CHCHD6: variants seen among roughly 807,000 people sequenced by gnomAD.
CHCHD6 encodes coiled-coil-helix-coiled-coil-helix domain containing 6.
CHCHD6 carries 28 observed loss-of-function variants against 32.3 expected under a neutral mutation model. That is an observed-to-expected ratio of 0.87 (90% CI 0.64 to 1.19). The LOEUF is 1.19. Among genes scored for constraint, CHCHD6 ranks in the 50% most tolerant of loss-of-function variants. The pLI is 0.00. For missense variants in CHCHD6, 333 were observed against 307.0 expected (o/e 1.08, Z -0.63); for synonymous variants, 122 against 117.5 (o/e 1.04, Z -0.25).
intron 6 of CHCHD6, among the ~76,000 whole-genome samples, chr3:126,917,046 T>G (rs971099558): frequency 2.0e-5 from 3 of 152,164 alleles, no homozygotes; most frequent in African/African-American, 4.8e-5. Context: ...ACCAGCCCCT[T>G]TGTGAATTTG....
chr3:126,938,056 AC>A (rs1261596254), intron 6 of CHCHD6, among the ~76,000 whole-genome samples: 1 of 152,246 alleles, frequency 6.6e-6, no homozygotes, highest in Non-Finnish European at 1.5e-5. Context: ...GCAGCAAGTT[AC>A]AACCCCAGGA....
chr3:126,712,033 CT>C (rs920230987), intron 1 of CHCHD6, among the ~76,000 whole-genome samples: 8 of 152,342 alleles, frequency 5.3e-5, no homozygotes, highest in Non-Finnish European at 1.0e-4. Flanking sequence ...AAGCACAGTA[CT>C]TTAGGTCTCT....
intron 4 of CHCHD6, among the ~76,000 whole-genome samples, chr3:126,827,125 G>C (rs1367087099): frequency 6.6e-6 from 1 of 152,172 alleles, no homozygotes; most frequent in African/African-American, 2.4e-5. Context: ...GGGGAAGAAT[G>C]ACACTGGAGA....
At chr3:126,748,849 G>A (rs1936612191) in intron 4 of CHCHD6, among the ~76,000 whole-genome samples, 2 of 152,106 alleles carry the variant, frequency 1.3e-5, no homozygotes, top group East Asian at 1.9e-4. Flanking sequence ...GAAGTGACCC[G>A]ATCCTGACCC....
In CHCHD6 at chr3:126,776,616, T is replaced by C. The variant is rs140492180; in HGVS notation, c.411+43394T>C. On this transcript the variant is annotated intron_variant, in intron 4 of 7. Transcript: ENST00000290913. ...TTAGTAGTTGCTCAACAAATATTTGTCAAATATTGATAGCAACAACAGCAA... is the reference window on the plus strand; with the variant it reads ...TTAGTAGTTGCTCAACAAATATTTGCCAAATATTGATAGCAACAACAGCAA... Among the ~76,000 whole-genome samples the C allele has an allele frequency of 2.8e-3, 423 of 152,332 alleles. 2 individuals are homozygous for C. Among genetic ancestry groups the C allele is most frequent in the African/African-American group, 9.8e-3 (406 of 41,572 alleles).
chr3:126,897,870 C>T (rs2077863758), intron 5 of CHCHD6, among the ~76,000 whole-genome samples: 1 of 152,174 alleles, frequency 6.6e-6, no homozygotes, highest in Admixed American at 6.5e-5. Flanking sequence ...AGCATAGGAG[C>T]CCTCTGCATG....
chr3:126,729,625 A>G (rs1471462767), intron 2 of CHCHD6, among the ~76,000 whole-genome samples: 1 of 152,140 alleles, frequency 6.6e-6, no homozygotes, highest in Non-Finnish European at 1.5e-5. Flanking sequence ...TGTGTTGCTG[A>G]GGAGCATGGG....
intron 4 of CHCHD6, among the ~76,000 whole-genome samples, chr3:126,760,382 A>ATG (rs1937116867): frequency 6.6e-6 from 1 of 152,228 alleles, no homozygotes; most frequent in African/African-American, 2.4e-5. Context: ...TTTTAAGTAT[A>ATG]CAATTCATTG....
intron 6 of CHCHD6, among the ~76,000 whole-genome samples, chr3:126,932,969 G>C (rs1027060243): frequency 6.6e-6 from 1 of 152,198 alleles, no homozygotes; most frequent in Non-Finnish European, 1.5e-5. Context: ...GGTCCTTGTG[G>C]GGTGGGGTGA....
intron 4 of CHCHD6, among the ~76,000 whole-genome samples, chr3:126,757,095 T>C (rs1464586129): frequency 6.6e-6 from 1 of 151,970 alleles, no homozygotes; most frequent in African/African-American, 2.4e-5. Flanking sequence ...GTTGTGTAGG[T>C]TGAGCCTCCT....
chr3:126,858,206 G>A (rs1941728480), intron 5 of CHCHD6, among the ~76,000 whole-genome samples: 1 of 151,562 alleles, frequency 6.6e-6, no homozygotes, highest in South Asian at 2.1e-4. Context: ...CAGAAGGGGT[G>A]AAGGCAGCAC....
At chr3:126,713,933 C>T (rs1418331376) in intron 1 of CHCHD6, among the ~76,000 whole-genome samples, 14 of 151,410 alleles carry the variant, frequency 9.2e-5, no homozygotes, top group East Asian at 5.8e-4. Flanking sequence ...AAAAGTTAGC[C>T]GGGCATGGTG....
intron 5 of CHCHD6, among the ~76,000 whole-genome samples, chr3:126,858,958 G>A (rs978242873): frequency 1.3e-5 from 2 of 152,206 alleles, no homozygotes; most frequent in African/African-American, 4.8e-5. Context: ...CCCCCGCTGA[G>A]GTTTGAGCCC....
intron 4 of CHCHD6, among the ~76,000 whole-genome samples, chr3:126,778,301 G>A (rs1289311598): frequency 2.0e-5 from 3 of 152,296 alleles, no homozygotes; most frequent in Middle Eastern, 3.4e-3. Context: ...TGGAATGGTT[G>A]GATCAAATAG....
Position 126,762,810 on chromosome 3 carries a change from C to T in CHCHD6, c.411+29588C>T, listed in dbSNP as rs531884876. 9.9e-5 allele frequency among the ~76,000 whole-genome samples: 15 copies of T among 152,230 alleles called. No homozygotes were observed. The South Asian group carries it at 2.9e-3, about 29-fold the overall frequency. On this transcript the variant is annotated intron_variant, in intron 4 of 7. Transcript: ENST00000290913. ...CTTGATGAATTGACCCTTTTATTAA[C>T]GTATATCCTTTTTTGTTTCTTGTGA...
intron 4 of CHCHD6, among the ~76,000 whole-genome samples, chr3:126,790,272 C>CA (rs375360765): frequency 0.057 from 8,605 of 151,898 alleles, 766 homozygotes; most frequent in African/African-American, 0.19. Flanking sequence ...TCATTCATTT[C>CA]ACTTTGGTGA....
intron 4 of CHCHD6, among the ~76,000 whole-genome samples, chr3:126,800,537 A>G (rs1939013119): frequency 6.6e-6 from 1 of 152,148 alleles, no homozygotes; most frequent in Non-Finnish European, 1.5e-5. Context: ...TGAAAAGATG[A>G]GGTTGAAGTC....
At chr3:126,926,816 A>ATGTTGAG (rs2078331061) in intron 6 of CHCHD6, among the ~76,000 whole-genome samples, 1 of 152,140 alleles carries the variant, frequency 6.6e-6, no homozygotes, top group Non-Finnish European at 1.5e-5. Context: ...TGGGAGAACC[A>ATGTTGAG]AGCAGTAATG....
Position 126,768,204 on chromosome 3 carries a change from T to C in CHCHD6, c.411+34982T>C, listed in dbSNP as rs145106085. On this transcript the variant is annotated intron_variant, in intron 4 of 7. Coordinates refer to ENST00000290913, the MANE Select transcript of CHCHD6 (RefSeq NM_032343.3). ...TTTAGCACCATCCCCTTAGTGCTGT[T>C]TGTGTGATAGTGAGTGAATTCTTGT... is the stretch of plus-strand genomic sequence containing the variant. Among the ~76,000 whole-genome samples, 1,134 of 152,214 alleles carry C rather than the reference T, an allele frequency of 7.5e-3. 12 individuals carry two copies. The highest frequency in any genetic ancestry group is 0.025 in the African/African-American group (1,058 of 41,502).
Sources: allele counts gnomAD v4.1 joint callset (sites outside exome capture counted in the v4.1 genomes callset), GRCh38; gene constraint gnomAD v4.1.1; transcripts MANE v1.5; gene names NCBI Gene and HGNC (gene_info 2026-07-23, HGNC 2026-07-21).